The following PLPPR1 variants were observed in gnomAD, a reference collection of about 807,000 sequenced individuals.
PLPPR1 encodes the protein phospholipid phosphatase related 1, also known as phospholipid phosphatase-related protein type 1.
PLPPR1 carries 10 observed loss-of-function variants against 33.1 expected under a neutral mutation model. The observed-to-expected ratio is 0.30, with a 90% CI of 0.19 to 0.51. PLPPR1 has a LOEUF of 0.51. Among genes scored for constraint, PLPPR1 ranks in the 20% least tolerant of loss-of-function variants. The probability of loss-of-function intolerance (pLI) is 0.97; values close to 1 mark genes in which losing one functional copy is unlikely to be tolerated. For missense variants in PLPPR1, 304 were observed against 408.1 expected, an observed-to-expected ratio of 0.74 and a Z score of 2.20; for synonymous variants, 151 against 151.0, an observed-to-expected ratio of 1.00 and a Z score of 0.00.
chr9:101,275,029 T>G lies in PLPPR1; in HGVS notation c.252+4961T>G, dbSNP rs551222123. On this transcript the variant is annotated intron_variant, in intron 3 of 7. Transcript: ENST00000374874. ...AAATCATGACTCTCTTTCTGGAGTT[T>G]GATTTTGCACCTCTGTGCCGGATTA... Among the ~76,000 whole-genome samples, 356 of 152,334 alleles carry G rather than the reference T, an allele frequency of 2.3e-3. 3 individuals carry two copies. Among genetic ancestry groups the G allele is most frequent in the African/African-American group, 7.7e-3 (322 of 41,578 alleles).
chr9:101,173,511 G>A (rs2915416), intron 1 of PLPPR1, among the ~76,000 whole-genome samples: 139,138 of 152,174 alleles, frequency 0.91, 63,801 homozygotes, highest in African/African-American at 0.98. Context: ...AGTATCACCC[G>A]TAGACTCTGG....
intron 3 of PLPPR1, among the ~76,000 whole-genome samples, chr9:101,273,085 T>A (rs1173658362): frequency 6.6e-6 from 1 of 152,362 alleles, no homozygotes; most frequent in African/African-American, 2.4e-5. Context: ...AACATGTTTG[T>A]AATTTAATAT....
chr9:101,301,560 C>G (rs929078319), intron 4 of PLPPR1, among the ~76,000 whole-genome samples: 1 of 152,158 alleles, frequency 6.6e-6, no homozygotes, highest in Admixed American at 6.5e-5. Flanking sequence ...TCAAGACAAG[C>G]AGGCTATTGT....
chr9:101,273,391 A>C (rs190793160), intron 3 of PLPPR1, among the ~76,000 whole-genome samples: 89 of 152,336 alleles, frequency 5.8e-4, no homozygotes, highest in African/African-American at 2.0e-3. Context: ...GTTACACCAT[A>C]TATTGACTCC....
At chr9:101,073,372 C>G (rs1037551178) in intron 1 of PLPPR1, among the ~76,000 whole-genome samples, 1 of 152,034 alleles carries the variant, frequency 6.6e-6, no homozygotes, top group African/African-American at 2.4e-5. Flanking sequence ...GGAAAAGACT[C>G]TCTTCAATTG....
rs563706954 is a variant in PLPPR1 at position 101,173,642 on chromosome 9, C to T, written c.-45-11808C>T. ...CCTTGGCTAAAACTGTGACTTTTAA[C>T]CCAGCTAAAGAAGTTTCTTCACCAG... is the stretch of plus-strand genomic sequence containing the variant. On this transcript the variant is annotated intron_variant, in intron 1 of 7. Transcript: ENST00000374874. Among the ~76,000 whole-genome samples, 4 of 152,204 alleles carry T rather than the reference C, an allele frequency of 2.6e-5. No homozygotes were observed. The South Asian group carries it at 8.3e-4, about 32-fold the overall frequency.
chr9:101,158,604 G>A (rs1025085611), intron 1 of PLPPR1, among the ~76,000 whole-genome samples: 1 of 152,214 alleles, frequency 6.6e-6, no homozygotes, highest in Non-Finnish European at 1.5e-5. Context: ...AACTCAGTGG[G>A]AAAGTCTGTA....
chr9:101,250,190 C>T (rs58922593), intron 2 of PLPPR1, among the ~76,000 whole-genome samples: 87 of 152,128 alleles, frequency 5.7e-4, no homozygotes, highest in African/African-American at 2.0e-3. Context: ...TACAGCCCCA[C>T]CATTCTGCCT....
At chr9:101,129,627 C>T (rs895501487) in intron 1 of PLPPR1, among the ~76,000 whole-genome samples, 5 of 152,056 alleles carry the variant, frequency 3.3e-5, no homozygotes, top group South Asian at 2.1e-4. Flanking sequence ...GTCAAGAGAT[C>T]GAGACCATCC....
At chr9:101,186,951 T>G (rs1438542640) in intron 2 of PLPPR1, among the ~76,000 whole-genome samples, 2 of 151,906 alleles carry the variant, frequency 1.3e-5, no homozygotes, top group East Asian at 1.9e-4. Context: ...AAACACATAT[T>G]CTTAATATTT....
At chr9:101,264,374 A>G (rs1827949301) in intron 2 of PLPPR1, among the ~76,000 whole-genome samples, 1 of 152,002 alleles carries the variant, frequency 6.6e-6, no homozygotes, top group African/African-American at 2.4e-5. Context: ...CAGACACCAC[A>G]CAGCCCTCTC....
chr9:101,110,956 T>C (rs140161999), intron 1 of PLPPR1, among the ~76,000 whole-genome samples: 4 of 152,262 alleles, frequency 2.6e-5, no homozygotes, highest in African/African-American at 4.8e-5. Context: ...GCCTTGCTAA[T>C]AATCGTGAAG....
chr9:101,229,609 G>T (rs1827142108), intron 2 of PLPPR1, among the ~76,000 whole-genome samples: 1 of 151,746 alleles, frequency 6.6e-6, no homozygotes, highest in Non-Finnish European at 1.5e-5. Context: ...AATAAAAAAG[G>T]GCATTTAAAA....
At chr9:101,098,668 CAA>C (rs1830853641) in intron 1 of PLPPR1, among the ~76,000 whole-genome samples, 1 of 152,020 alleles carries the variant, frequency 6.6e-6, no homozygotes, top group Non-Finnish European at 1.5e-5. Context: ...AGTGGCCTCT[CAA>C]AACAGTGCAT....
intron 2 of PLPPR1, among the ~76,000 whole-genome samples, chr9:101,227,408 T>C (rs1240265850): frequency 1.3e-5 from 2 of 152,204 alleles, no homozygotes; most frequent in Non-Finnish European, 2.9e-5. Flanking sequence ...ATGAGTGATG[T>C]TGAACGTTTT....
rs1370737440 is a variant in PLPPR1 at position 101,106,288 on chromosome 9, G to A, written c.-46+77186G>A. Among the ~76,000 whole-genome samples the A allele has an allele frequency of 9.5e-4, 128 of 134,526 alleles. 1 individual carries two copies. The highest frequency in any genetic ancestry group is 3.7e-3 in the Middle Eastern group (1 of 270). The allele number at this position is 134,526 out of a possible 152,430, so 88.3% of individuals were successfully genotyped here. The stretch of plus-strand genomic sequence containing the variant: ...GCATGATTTTGCAGCGGCTGGTACC[G>A]GTTGTTCCTTTCCATGTTTAGCGCT... On this transcript the variant is annotated intron_variant, in intron 1 of 7. Transcript: ENST00000374874.
At chr9:101,109,635 G>A (rs1242934280) in intron 1 of PLPPR1, among the ~76,000 whole-genome samples, 2 of 152,108 alleles carry the variant, frequency 1.3e-5, no homozygotes, top group African/African-American at 4.8e-5. Flanking sequence ...ATACATAGTA[G>A]GTTCATGCAC....
At chr9:101,060,469 C>T (rs1043014438) in intron 1 of PLPPR1, among the ~76,000 whole-genome samples, 3 of 151,818 alleles carry the variant, frequency 2.0e-5, no homozygotes, top group Admixed American at 6.6e-5. Flanking sequence ...TATGTTTTCA[C>T]TACAAAAAAT....
At chr9:101,215,122 TAAAAG>T (rs957886542) in intron 2 of PLPPR1, among the ~76,000 whole-genome samples, 21 of 152,064 alleles carry the variant, frequency 1.4e-4, no homozygotes, top group African/African-American at 4.8e-4. Flanking sequence ...TTTGAAATGT[TAAAAG>T]AAAAACTTTA....
Sources: gnomAD v4.1 joint callset for allele counts (sites outside exome capture counted in the v4.1 genomes callset) on GRCh38, gnomAD v4.1.1 for gene constraint, MANE v1.5 for transcripts, NCBI Gene and HGNC (gene_info 2026-07-23, HGNC 2026-07-21) for gene names.